CPXM2: variants seen among roughly 807,000 people sequenced by gnomAD.
CPXM2 encodes the protein carboxypeptidase X, M14 family member 2, also known as inactive carboxypeptidase-like protein X2.
Under a neutral mutation model 86.1 loss-of-function variants are expected in CPXM2, and 66 were observed. The observed-to-expected ratio is 0.77, with a 90% CI of 0.63 to 0.94. CPXM2 has a LOEUF of 0.94. Ranked by LOEUF, CPXM2 falls within the 40% of genes least tolerant of loss-of-function variation. The probability of loss-of-function intolerance (pLI) is 0.00; values close to 1 mark genes in which losing one functional copy is unlikely to be tolerated. For synonymous variants in CPXM2, 388 were observed against 400.2 expected, an observed-to-expected ratio of 0.97 and a Z score of 0.36; for missense variants, 948 against 1,026.3, an observed-to-expected ratio of 0.92 and a Z score of 1.04.
intron 2 of CPXM2, among the ~76,000 whole-genome samples, chr10:123,863,976 G>A (rs995048835): frequency 2.1e-4 from 32 of 152,152 alleles, no homozygotes; most frequent in African/African-American, 7.2e-4. Flanking sequence ...GAGAGTCAAG[G>A]CCACTGACCC....
intron 2 of CPXM2, among the ~76,000 whole-genome samples, chr10:123,927,583 T>A (rs1945634338): frequency 6.6e-6 from 1 of 152,166 alleles, no homozygotes; most frequent in South Asian, 2.1e-4. Flanking sequence ...GAGCCAGGAT[T>A]TATACCAAGC....
At chr10:123,858,080 TCA>T (rs1240155156) in intron 3 of CPXM2, among the ~76,000 whole-genome samples, 1 of 152,198 alleles carries the variant, frequency 6.6e-6, no homozygotes, top group Non-Finnish European at 1.5e-5. Context: ...CACAGACCAT[TCA>T]CAGACTAGCA....
At chr10:123,851,087 C>T (rs901634956) in intron 3 of CPXM2, among the ~76,000 whole-genome samples, 9 of 152,084 alleles carry the variant, frequency 5.9e-5, no homozygotes, top group Admixed American at 2.0e-4. Context: ...ATTTACTTGA[C>T]GACTAATGGT....
At chr10:123,818,772 A>C (rs1230785558) in intron 4 of CPXM2, among the ~76,000 whole-genome samples, 2 of 152,154 alleles carry the variant, frequency 1.3e-5, no homozygotes, top group African/African-American at 2.4e-5. Context: ...TACAACGCCA[A>C]CTCAGTGACA....
intron 2 of CPXM2, among the ~76,000 whole-genome samples, chr10:123,863,351 G>A (rs1233814691): frequency 2.0e-5 from 3 of 152,208 alleles, no homozygotes; most frequent in Admixed American, 6.5e-5. Context: ...TGAAGGCGGA[G>A]GGGTGCACAC....
At chr10:123,924,957 T>A (rs1459792859) in intron 2 of CPXM2, among the ~76,000 whole-genome samples, 1 of 152,088 alleles carries the variant, frequency 6.6e-6, no homozygotes, top group Non-Finnish European at 1.5e-5. Flanking sequence ...ATTCCAAAGG[T>A]TTTAGGGGCT....
intron 2 of CPXM2, among the ~76,000 whole-genome samples, chr10:123,906,662 C>A (rs77673938): frequency 0.034 from 5,251 of 152,264 alleles, 133 homozygotes; most frequent in Non-Finnish European, 0.05. Flanking sequence ...TACTTCATTT[C>A]GCCTCATGTG....
intron 7 of CPXM2, among the ~76,000 whole-genome samples, chr10:123,776,198 A>T (rs1846783155): frequency 6.6e-6 from 1 of 152,068 alleles, no homozygotes; most frequent in Non-Finnish European, 1.5e-5. Context: ...TTAATATTTA[A>T]TATAATGGAG....
At chr10:123,811,734 A>G (rs1847700241) in intron 4 of CPXM2, among the ~76,000 whole-genome samples, 1 of 152,210 alleles carries the variant, frequency 6.6e-6, no homozygotes, top group Non-Finnish European at 1.5e-5. Context: ...AAATTCTGTA[A>G]ATCAATGAGA....
At chr10:123,873,455 C>T (rs1944926593) in intron 2 of CPXM2, among the ~76,000 whole-genome samples, 1 of 152,110 alleles carries the variant, frequency 6.6e-6, no homozygotes, top group South Asian at 2.1e-4. Context: ...TTCGTAAAAT[C>T]AATGCAAATC....
Position 123,891,373 on chromosome 10 carries a change from G to A in CPXM2, c.287C>T (p.Pro96Leu), listed in dbSNP as rs1156639615. 6.4e-6 allele frequency: 10 copies of A among 1,557,002 alleles called. No individual in the cohort carries two copies. The highest frequency in any genetic ancestry group is 1.2e-5 in the South Asian group (1 of 84,388). The change falls in exon 1 of 14, where the codon CCG (proline) becomes CTG (leucine). Residue 96 changes from proline (P) to leucine (L), a missense_variant. Transcript: ENST00000241305. The surrounding 1 kb of genome is among the most constrained non-coding windows in gnomAD (Gnocchi z 5.6). ...TTCCTTACCTGGTGGAGGCGGCTCCGGAGCCGACTTCTCCCTCTTGGGAGC... is the reference window on the plus strand; with the variant it reads ...TTCCTTACCTGGTGGAGGCGGCTCCAGAGCCGACTTCTCCCTCTTGGGAGC... ...KKAPKREKSA[P>L]EPPPPGKHSN...
chr10:123,768,979 C>A (rs1846562317), intron 8 of CPXM2, among the ~76,000 whole-genome samples: 1 of 152,082 alleles, frequency 6.6e-6, no homozygotes, highest in Non-Finnish European at 1.5e-5. Context: ...TTTTACGTAC[C>A]AAGAACAGAT....
At chr10:123,920,963 A>G (rs1311457470) in intron 2 of CPXM2, among the ~76,000 whole-genome samples, 1 of 152,242 alleles carries the variant, frequency 6.6e-6, no homozygotes, top group Non-Finnish European at 1.5e-5. Context: ...CCCAGCCTCC[A>G]GAACTCTCAG....
chr10:123,887,959 C>T (rs1347978620), intron 1 of CPXM2, among the ~76,000 whole-genome samples: 1 of 152,176 alleles, frequency 6.6e-6, no homozygotes, highest in Non-Finnish European at 1.5e-5. Context: ...CTCTGGAAAC[C>T]TGTTAGCCAC....
intron 4 of CPXM2, among the ~76,000 whole-genome samples, chr10:123,838,141 A>G (rs1192602653): frequency 2.0e-5 from 3 of 152,244 alleles, no homozygotes; most frequent in Non-Finnish European, 4.4e-5. Flanking sequence ...TCAGAAACAA[A>G]TAAGATTATG....
chr10:123,923,520 G>A (rs1945595000), intron 2 of CPXM2, among the ~76,000 whole-genome samples: 2 of 151,420 alleles, frequency 1.3e-5, no homozygotes, highest in Non-Finnish European at 2.9e-5. Flanking sequence ...GGCGGAGCTT[G>A]CAGTGAGCCG....
chr10:123,922,998 A>G (rs1045389711), intron 2 of CPXM2, among the ~76,000 whole-genome samples: 1 of 151,880 alleles, frequency 6.6e-6, no homozygotes. Context: ...TGCAGTCTCC[A>G]CCCTCGCCTA....
rs78986001 is a variant in CPXM2 at position 123,862,931 on chromosome 10, C to T, written c.404-208G>A. Among the ~76,000 whole-genome samples the T allele has an allele frequency of 9.8e-3, 1,486 of 152,282 alleles. 28 individuals are homozygous for T. Among genetic ancestry groups the T allele is most frequent in the African/African-American group, 0.033 (1,381 of 41,560 alleles). Reference sequence around the variant, plus strand: ...CATTTGCTTTAGGGGTGTTTTTGCTCTGATATTCCTTCTCTTTTGCTGTCC... The same window carrying T: ...CATTTGCTTTAGGGGTGTTTTTGCTTTGATATTCCTTCTCTTTTGCTGTCC... On this transcript the variant is annotated intron_variant, in intron 2 of 13. Transcript: ENST00000241305.
chr10:123,759,449 A>C (rs1354590645), intron 11 of CPXM2, among the ~76,000 whole-genome samples: 1 of 152,222 alleles, frequency 6.6e-6, no homozygotes, highest in East Asian at 1.9e-4. Flanking sequence ...CAAAATGAGA[A>C]ACCAGAGGGA....
Sources: allele counts gnomAD v4.1 joint callset (sites outside exome capture counted in the v4.1 genomes callset), GRCh38; gene constraint gnomAD v4.1.1; non-coding constraint Gnocchi (gnomAD v3.1); transcripts MANE v1.5; gene names NCBI Gene and HGNC (gene_info 2026-07-23, HGNC 2026-07-21).